Variants in PDE3B observed in about 807,000 individuals in gnomAD.
The protein encoded by PDE3B is phosphodiesterase 3B.
A neutral mutation model predicts 116.8 loss-of-function variants in PDE3B; 66 were observed. That is an observed-to-expected ratio of 0.56 (90% CI 0.46 to 0.69). The LOEUF is 0.69. Ranked by LOEUF, PDE3B falls within the 30% of genes least tolerant of loss-of-function variation. PDE3B has a pLI of 0.00. For missense variants in PDE3B, 1,384 were observed against 1,368.1 expected (o/e 1.01, Z -0.18); for synonymous variants, 595 against 533.6 (o/e 1.12, Z -1.59).
At position 14,670,439 on chromosome 11, in the gene PDE3B, T is replaced by C. The variant is rs773598863; in HGVS notation, c.978+25386T>C. Reference sequence around the variant, plus strand: ...ATATTTGAAAGGCTGCCCCATGAAATAGGGATTAAACTTGTCTTCATGAGA... The same window carrying C: ...ATATTTGAAAGGCTGCCCCATGAAACAGGGATTAAACTTGTCTTCATGAGA... On this transcript the variant is annotated intron_variant, in intron 1 of 15. Coordinates refer to ENST00000282096, the MANE Select transcript of PDE3B (RefSeq NM_000922.4). 3.0e-4 allele frequency among the ~76,000 whole-genome samples: 45 copies of C among 152,124 alleles called. 1 individual carries two copies. Among genetic ancestry groups the C allele is most frequent in the Non-Finnish European group, 4.6e-4 (31 of 68,018 alleles).
intron 5 of PDE3B, among the ~76,000 whole-genome samples, chr11:14,804,879 T>G (rs1590159385): frequency 6.6e-6 from 1 of 152,162 alleles, no homozygotes; most frequent in Non-Finnish European, 1.5e-5. Context: ...CTTGATTAAA[T>G]TAAAAGCTTA....
At chr11:14,881,591 T>C in the PDE3B span, among the ~76,000 whole-genome samples, 3 of 152,134 alleles carry the variant, frequency 2.0e-5, no homozygotes, top group Non-Finnish European at 2.9e-5. Context: ...GATTGGATCA[T>C]AGGGGAAGAT....
intron 1 of PDE3B, among the ~76,000 whole-genome samples, chr11:14,722,019 G>T (rs184023264): frequency 6.6e-6 from 1 of 151,352 alleles, no homozygotes; most frequent in East Asian, 1.9e-4. Context: ...GTAGGGACAT[G>T]GATGAAGCTG....
At chr11:14,785,609 T>A (rs2133915124) in intron 2 of PDE3B, among the ~76,000 whole-genome samples, 1 of 152,202 alleles carries the variant, frequency 6.6e-6, no homozygotes. Context: ...TACTAGTCCA[T>A]TTATTTCTAT....
At chr11:14,661,554 C>G (rs1003087173) in intron 1 of PDE3B, among the ~76,000 whole-genome samples, 1 of 152,184 alleles carries the variant, frequency 6.6e-6, no homozygotes, top group African/African-American at 2.4e-5. Flanking sequence ...CTTTCCTAGT[C>G]AAAGAAAGGG....
chr11:14,760,726 T>C (rs1857337351), intron 1 of PDE3B, among the ~76,000 whole-genome samples: 1 of 152,220 alleles, frequency 6.6e-6, no homozygotes, highest in South Asian at 2.1e-4. Context: ...AGTTCTCAAC[T>C]TACCCCACAA....
At chr11:14,727,836 A>G (rs1340603905) in intron 1 of PDE3B, among the ~76,000 whole-genome samples, 1 of 145,290 alleles carries the variant, frequency 6.9e-6, no homozygotes, top group Non-Finnish European at 1.5e-5. Context: ...AGCACTATTT[A>G]TTCCTTGAGT....
intron 1 of PDE3B, among the ~76,000 whole-genome samples, chr11:14,747,253 A>G (rs1354910159): frequency 6.6e-6 from 1 of 152,218 alleles, no homozygotes; most frequent in East Asian, 1.9e-4. Context: ...CAACTTTGGG[A>G]ATCACATTTC....
chr11:14,678,576 C>T (rs1231197199), intron 1 of PDE3B, among the ~76,000 whole-genome samples: 2 of 151,952 alleles, frequency 1.3e-5, no homozygotes, highest in East Asian at 1.9e-4. Context: ...ATTTGCATTT[C>T]GTTAATGGGT....
intron 11 of PDE3B, among the ~76,000 whole-genome samples, chr11:14,840,560 CTTTGTGGGGAA>C (rs1415489730): frequency 6.6e-6 from 1 of 152,196 alleles, no homozygotes; most frequent in Non-Finnish European, 1.5e-5. Context: ...ATAGTTACGG[CTTTGTGGGGAA>C]TTCCCTATGA....
chr11:14,821,309 A>G (rs1374111145), intron 7 of PDE3B, among the ~76,000 whole-genome samples: 2 of 152,236 alleles, frequency 1.3e-5, no homozygotes, highest in East Asian at 3.8e-4. Flanking sequence ...TTCTGTTATC[A>G]GAGCAGTCAT....
intron 1 of PDE3B, among the ~76,000 whole-genome samples, chr11:14,656,394 A>G (rs1853717478): frequency 6.6e-6 from 1 of 152,176 alleles, no homozygotes; most frequent in Non-Finnish European, 1.5e-5. Context: ...GATATCTGTT[A>G]TTATATTTAT....
intron 1 of PDE3B, among the ~76,000 whole-genome samples, chr11:14,707,530 A>G (rs1460109853): frequency 6.6e-6 from 1 of 151,994 alleles, no homozygotes; most frequent in African/African-American, 2.4e-5. Context: ...CAGGCAAAAT[A>G]TCCTGGAAGA....
intron 1 of PDE3B, among the ~76,000 whole-genome samples, chr11:14,708,527 A>G (rs940016347): frequency 6.6e-6 from 1 of 152,136 alleles, no homozygotes. Flanking sequence ...ACCTAAATGT[A>G]ATACATGGCT....
At chr11:14,784,187 T>A (rs1565135736) in intron 2 of PDE3B, among the ~76,000 whole-genome samples, 1 of 152,210 alleles carries the variant, frequency 6.6e-6, no homozygotes, top group Non-Finnish European at 1.5e-5. Flanking sequence ...CCAAAAAGGT[T>A]AGGGAACCCC....
At chr11:14,667,237 G>A (rs1468498383) in intron 1 of PDE3B, among the ~76,000 whole-genome samples, 1 of 147,150 alleles carries the variant, frequency 6.8e-6, no homozygotes, top group East Asian at 2.1e-4. Flanking sequence ...TGAACAATGA[G>A]AACACATGGA....
At chr11:14,686,338 A>C (rs1057336531) in intron 1 of PDE3B, among the ~76,000 whole-genome samples, 1 of 152,194 alleles carries the variant, frequency 6.6e-6, no homozygotes, top group East Asian at 1.9e-4. Context: ...GATTGTGGGC[A>C]TCTACTGTAT....
chr11:14,883,337 T>C, the PDE3B span, among the ~76,000 whole-genome samples: 2 of 151,954 alleles, frequency 1.3e-5, no homozygotes, highest in African/African-American at 4.8e-5. Context: ...AAAACAGAGA[T>C]ATAGATCAAT....
At chr11:14,883,534 C>G in the PDE3B span, among the ~76,000 whole-genome samples, 25 of 151,450 alleles carry the variant, frequency 1.7e-4, no homozygotes, top group South Asian at 3.9e-3. Flanking sequence ...AAAATTAATT[C>G]AAGATGGATT....
Sources: allele counts gnomAD v4.1 joint callset (sites outside exome capture counted in the v4.1 genomes callset), GRCh38; gene constraint gnomAD v4.1.1; transcripts MANE v1.5; gene names NCBI Gene and HGNC (gene_info 2026-07-23, HGNC 2026-07-21).